ADARB2: variants seen among roughly 807,000 people sequenced by gnomAD.
ADARB2 encodes the protein inactive double-stranded RNA-specific editase B2.
ADARB2 carries 25 observed loss-of-function variants against 62.2 expected under a neutral mutation model. That is an observed-to-expected ratio of 0.40 (90% CI 0.29 to 0.56). The LOEUF is 0.56. ADARB2 is among the 20% of genes least tolerant of loss of function. ADARB2 has a pLI of 0.43. For missense variants in ADARB2, 1,071 were observed against 1,077.4 expected (o/e 0.99, Z 0.08); for synonymous variants, 572 against 500.8 (o/e 1.14, Z -1.90).
At chr10:1,188,833 T>C (rs993997660) in intron 8 of ADARB2, among the ~76,000 whole-genome samples, 5 of 152,262 alleles carry the variant, frequency 3.3e-5, no homozygotes, top group African/African-American at 9.6e-5. Context: ...TTGCCGTTAA[T>C]GACTCTTTCC....
At chr10:1,690,986 T>A (rs1006654623) in intron 1 of ADARB2, among the ~76,000 whole-genome samples, 1 of 152,150 alleles carries the variant, frequency 6.6e-6, no homozygotes, top group Admixed American at 6.5e-5. Context: ...GCCCCTTTCC[T>A]TCTGGGTGCG....
rs1389807026 is a variant in ADARB2, at chr10:1,363,828, C to T, written c.277G>A (p.Ala93Thr). The change falls in exon 3 of 10, where the codon GCG (alanine) becomes ACG (threonine). Residue 93 changes from alanine to threonine, a missense_variant. Coordinates refer to ENST00000381312, the MANE Select transcript of ADARB2 (RefSeq NM_018702.4). ...PPSGDRARGG[A>T]PGAKRKRPLE... ...GGCCGCTTCCTCTTCGCGCCGGGCG[C>T]GCCGCCCCGGGCCCGGTCCCCGGAG... 1 of 1,572,438 alleles carries T rather than the reference C, an allele frequency of 6.4e-7. No homozygotes were observed. Among genetic ancestry groups the T allele is most frequent in the Non-Finnish European group, 8.6e-7 (1 of 1,167,042 alleles).
intron 1 of ADARB2, among the ~76,000 whole-genome samples, chr10:1,646,703 G>T (rs1433078513): frequency 6.6e-6 from 1 of 152,202 alleles, no homozygotes; most frequent in African/African-American, 2.4e-5. Flanking sequence ...TCACCATTTT[G>T]CTATAGCTCA....
Position 1,182,031 on chromosome 10 carries a change from C to T in ADARB2, c.*1162G>A, listed in dbSNP as rs895221381. On this transcript the variant is annotated 3_prime_UTR_variant, in exon 10 of 10. Coordinates refer to ENST00000381312, the MANE Select transcript of ADARB2 (RefSeq NM_018702.4). ...AGCCTGCTCTGAGGGTCACAGAATC[C>T]TGCCTCTTACATTTTTTGACAGCTG... The T allele has an allele frequency of 6.6e-6, 1 of 152,228 alleles. No homozygotes were observed. The allele number at this position is 152,228 out of a possible 1,614,324, so 9.4% of individuals were successfully genotyped here. A position where few individuals can be genotyped will look rare whatever the true frequency, so the allele number is the denominator to read the frequency against.
chr10:1,423,970 C>A (rs927915339), intron 1 of ADARB2, among the ~76,000 whole-genome samples: 7 of 151,968 alleles, frequency 4.6e-5, no homozygotes, highest in Admixed American at 4.6e-4. Flanking sequence ...GCAGTAGGAC[C>A]ACTATGTATG....
intron 3 of ADARB2, among the ~76,000 whole-genome samples, chr10:1,312,566 T>C (rs772746673): frequency 2.6e-5 from 4 of 152,246 alleles, no homozygotes; most frequent in Non-Finnish European, 5.9e-5. Flanking sequence ...ACCAGTTGTT[T>C]ATAATTTCAC....
At chr10:1,229,079 C>T (rs1830773933) in intron 6 of ADARB2, among the ~76,000 whole-genome samples, 1 of 152,220 alleles carries the variant, frequency 6.6e-6, no homozygotes, top group South Asian at 2.1e-4. Flanking sequence ...AAACAACAAA[C>T]TTGAATGCCT....
chr10:1,565,863 G>A (rs922429933), intron 1 of ADARB2, among the ~76,000 whole-genome samples: 1 of 152,148 alleles, frequency 6.6e-6, no homozygotes, highest in South Asian at 2.1e-4. Flanking sequence ...CTTCTCCGTG[G>A]TGGGCAGCAT....
chr10:1,245,634 A>G (rs1380707815), intron 4 of ADARB2, among the ~76,000 whole-genome samples: 1 of 152,148 alleles, frequency 6.6e-6, no homozygotes, highest in Non-Finnish European at 1.5e-5. Flanking sequence ...GATGGTTTCT[A>G]GCTTCATCCA....
At chr10:1,647,377 A>G (rs1374030582) in intron 1 of ADARB2, among the ~76,000 whole-genome samples, 1 of 152,138 alleles carries the variant, frequency 6.6e-6, no homozygotes, top group Non-Finnish European at 1.5e-5. Context: ...GTGTGTCTAT[A>G]TATGTATGCG....
intron 3 of ADARB2, among the ~76,000 whole-genome samples, chr10:1,331,587 G>A (rs1442286828): frequency 6.6e-6 from 1 of 152,184 alleles, no homozygotes; most frequent in Non-Finnish European, 1.5e-5. Flanking sequence ...GGCCAGGGGA[G>A]GGGAAAATGC....
At chr10:1,535,678 A>G (rs899784608) in intron 1 of ADARB2, 2 of 167,364 alleles carry the variant, frequency 1.2e-5, no homozygotes, top group East Asian at 3.8e-4. Flanking sequence ...TCTGCTGCCA[A>G]GACACTGGGT....
chr10:1,405,193 G>A (rs1254543152), intron 1 of ADARB2, among the ~76,000 whole-genome samples: 3 of 152,184 alleles, frequency 2.0e-5, no homozygotes, highest in Admixed American at 6.5e-5. Context: ...GAGGCTCAGT[G>A]CTAAGGAGAA....
intron 1 of ADARB2, among the ~76,000 whole-genome samples, chr10:1,720,066 A>G (rs1458933418): frequency 6.6e-6 from 1 of 152,212 alleles, no homozygotes; most frequent in African/African-American, 2.4e-5. Flanking sequence ...CTTAAAAGAC[A>G]CATGCACTTA....
Position 1,202,285 on chromosome 10 carries a change from T to A in ADARB2, c.1683-2138A>T, listed in dbSNP as rs1455342887. 3.9e-5 allele frequency among the ~76,000 whole-genome samples: 6 copies of A among 152,052 alleles called. No homozygotes were observed. The East Asian group carries it at 1.2e-3, about 29-fold the overall frequency. ...TTTTTTTAGACAGGGTCTCACTCTG[T>A]CACCCAGGCTGGAGTATGGTGGTGC... On this transcript the variant is annotated intron_variant, in intron 7 of 9. Coordinates refer to ENST00000381312, the MANE Select transcript of ADARB2 (RefSeq NM_018702.4).
intron 4 of ADARB2, among the ~76,000 whole-genome samples, chr10:1,243,991 C>G (rs1230802790): frequency 3.9e-5 from 6 of 152,250 alleles, no homozygotes. Flanking sequence ...ACCAGCCGCC[C>G]TGAGGTTCCT....
At chr10:1,715,936 T>A (rs1354484499) in intron 1 of ADARB2, among the ~76,000 whole-genome samples, 4 of 152,204 alleles carry the variant, frequency 2.6e-5, no homozygotes, top group Non-Finnish European at 5.9e-5. Flanking sequence ...CTGTGCACAC[T>A]TCTCGCCCGA....
intron 7 of ADARB2, among the ~76,000 whole-genome samples, chr10:1,212,612 G>C (rs1376515953): frequency 6.6e-6 from 1 of 152,224 alleles, no homozygotes; most frequent in East Asian, 1.9e-4. Context: ...GCACCCCACA[G>C]TGGCAGGCAC....
intron 1 of ADARB2, among the ~76,000 whole-genome samples, chr10:1,535,260 G>A (rs1010126912): frequency 3.3e-5 from 5 of 152,152 alleles, no homozygotes; most frequent in Non-Finnish European, 5.9e-5. Context: ...CTGAGCAAAT[G>A]TAAGCTGTCC....
Sources: gnomAD v4.1 joint callset for allele counts (sites outside exome capture counted in the v4.1 genomes callset) on GRCh38, gnomAD v4.1.1 for gene constraint, MANE v1.5 for transcripts, NCBI Gene and HGNC (gene_info 2026-07-23, HGNC 2026-07-21) for gene names.